Variants in DAB1 observed in about 807,000 individuals in gnomAD.
DAB1 encodes the protein disabled homolog 1.
DAB1 carries 15 observed loss-of-function variants against 64.6 expected under a neutral mutation model. The observed-to-expected ratio is 0.23, with a 90% CI of 0.16 to 0.36. DAB1 has a LOEUF of 0.36. DAB1 is among the 10% of genes least tolerant of loss of function. DAB1 has a pLI of 1.00. For synonymous variants in DAB1, 235 were observed against 251.9 expected (o/e 0.93, Z 0.64); for missense variants, 596 against 706.7 (o/e 0.84, Z 1.78).
chr1:57,983,055 C>G (rs1056405084), intron 5 of DAB1, among the ~76,000 whole-genome samples: 4 of 152,200 alleles, frequency 2.6e-5, no homozygotes, highest in African/African-American at 9.7e-5. Context: ...CCTGCTCTTA[C>G]AGTGTACGGT....
chr1:58,101,277 A>G (rs1340708417), intron 5 of DAB1, among the ~76,000 whole-genome samples: 1 of 152,218 alleles, frequency 6.6e-6, no homozygotes, highest in East Asian at 1.9e-4. Context: ...AGGTCATGCC[A>G]CTGCACTCCA....
rs548883818 is a variant in DAB1 at position 57,346,721 on chromosome 1, T to C, written c.-136-55555A>G. On this transcript the variant is annotated intron_variant, in intron 1 of 14. Coordinates refer to ENST00000371236, the MANE Select transcript of DAB1 (RefSeq NM_001365792.1). ...TCTGAACATTTGTTCAATAAATGAG[T>C]TCATTCACTAAAAGCTGAGGTTACA... Among the ~76,000 whole-genome samples, 22 of 152,170 alleles carry C rather than the reference T, an allele frequency of 1.4e-4. No homozygotes were observed. In the East Asian group the frequency reaches 4.3e-3, roughly 29 times the overall value.
chr1:58,490,238 A>G (rs1330097164), intron 3 of DAB1, among the ~76,000 whole-genome samples: 1 of 152,240 alleles, frequency 6.6e-6, no homozygotes, highest in African/African-American at 2.4e-5. Flanking sequence ...AATGCAGAGA[A>G]GTCCTTAAAG....
At chr1:57,154,962 A>G (rs1660066745) in intron 2 of DAB1, among the ~76,000 whole-genome samples, 1 of 151,908 alleles carries the variant, frequency 6.6e-6, no homozygotes, top group South Asian at 2.1e-4. Flanking sequence ...GTTTGCAAAT[A>G]TTTTATCTCA....
chr1:57,117,378 G>T (rs1656232296), intron 4 of DAB1, among the ~76,000 whole-genome samples: 1 of 152,202 alleles, frequency 6.6e-6, no homozygotes, highest in Non-Finnish European at 1.5e-5. Context: ...TGCGAAGCAG[G>T]TGTGGAGAAT....
chr1:57,134,036 G>A (rs1456629816), intron 4 of DAB1, among the ~76,000 whole-genome samples: 1 of 152,188 alleles, frequency 6.6e-6, no homozygotes, highest in African/African-American at 2.4e-5. Context: ...CAACTTAGAT[G>A]TGACTTTGTC....
chr1:57,442,426 G>A (rs1224036428), intron 7 of DAB1, among the ~76,000 whole-genome samples: 3 of 152,110 alleles, frequency 2.0e-5, no homozygotes, highest in African/African-American at 7.2e-5. Context: ...AAAGAATTTG[G>A]CAACACTGCT....
intron 4 of DAB1, among the ~76,000 whole-genome samples, chr1:58,167,083 C>T (rs1368470721): frequency 1.3e-5 from 2 of 151,796 alleles, no homozygotes; most frequent in Non-Finnish European, 2.9e-5. Context: ...CAAATTGCTG[C>T]CATAATGGCT....
At chr1:57,457,102 G>A (rs1266068216) in intron 7 of DAB1, among the ~76,000 whole-genome samples, 1 of 152,112 alleles carries the variant, frequency 6.6e-6, no homozygotes, top group African/African-American at 2.4e-5. Flanking sequence ...AAAGAAACGA[G>A]GGATCCTGTA....
At chr1:57,194,144 G>A (rs569761791) in intron 2 of DAB1, among the ~76,000 whole-genome samples, 1 of 152,306 alleles carries the variant, frequency 6.6e-6, no homozygotes, top group East Asian at 1.9e-4. Context: ...AGAATCATCT[G>A]GAGGGCTTGT....
At chr1:57,249,467 C>T (rs1669155316) in intron 2 of DAB1, among the ~76,000 whole-genome samples, 1 of 152,156 alleles carries the variant, frequency 6.6e-6, no homozygotes, top group Non-Finnish European at 1.5e-5. Flanking sequence ...GGCCTTCTAG[C>T]CTCAAGCAAT....
intron 5 of DAB1, among the ~76,000 whole-genome samples, chr1:57,905,698 T>C (rs576538709): frequency 1.3e-5 from 2 of 151,940 alleles, no homozygotes; most frequent in African/African-American, 4.8e-5. Context: ...TGAGTGTAGG[T>C]GGAGAAAAGT....
chr1:57,684,328 C>T (rs1316249323), intron 6 of DAB1, among the ~76,000 whole-genome samples: 1 of 151,936 alleles, frequency 6.6e-6, no homozygotes, highest in East Asian at 1.9e-4. Context: ...TCATCAGATT[C>T]ACTAAGGTCA....
intron 2 of DAB1, among the ~76,000 whole-genome samples, chr1:58,510,472 C>G (rs1646056170): frequency 6.6e-6 from 1 of 151,974 alleles, no homozygotes; most frequent in South Asian, 2.1e-4. Flanking sequence ...AAAAAATTAT[C>G]TCGACATAAT....
At chr1:57,691,018 T>C (rs1646757426) in intron 6 of DAB1, among the ~76,000 whole-genome samples, 1 of 152,182 alleles carries the variant, frequency 6.6e-6, no homozygotes, top group South Asian at 2.1e-4. Context: ...TACAGTTGTT[T>C]GAGTTCCTTA....
chr1:57,864,387 A>G (rs185141266), intron 1 of DAB1: 7 of 152,334 alleles, frequency 4.6e-5, no homozygotes, highest in South Asian at 4.1e-4. Context: ...GAGCAACTCC[A>G]TAAGATAAGA....
intron 1 of DAB1, chr1:58,541,698 T>G (rs1336856874): frequency 6.6e-6 from 1 of 151,244 alleles, no homozygotes; most frequent in Non-Finnish European, 1.5e-5. Context: ...GAATTGAATT[T>G]CAAGTTGTTT....
chr1:57,480,346 G>T (rs547832893), intron 7 of DAB1, among the ~76,000 whole-genome samples: 60 of 152,188 alleles, frequency 3.9e-4, no homozygotes, highest in African/African-American at 1.4e-3. Flanking sequence ...AAGCATGTGG[G>T]ATGAGATATA....
At chr1:57,673,033 C>T (rs1239404798) in intron 6 of DAB1, among the ~76,000 whole-genome samples, 1 of 152,058 alleles carries the variant, frequency 6.6e-6, no homozygotes, top group Non-Finnish European at 1.5e-5. Context: ...AACAAAATAC[C>T]ATAGAGTGGG....
Sources: gnomAD v4.1 joint callset for allele counts (sites outside exome capture counted in the v4.1 genomes callset) on GRCh38, gnomAD v4.1.1 for gene constraint, MANE v1.5 for transcripts, NCBI Gene and HGNC (gene_info 2026-07-23, HGNC 2026-07-21) for gene names.